The following TSPAN18 variants were observed in gnomAD, a reference collection of about 807,000 sequenced individuals.
TSPAN18 encodes the protein tetraspanin 18.
Under a neutral mutation model 27.3 loss-of-function variants are expected in TSPAN18, and 14 were observed. The ratio of observed to expected loss-of-function variants is 0.51; its 90% CI spans 0.34 to 0.80. The LOEUF (loss-of-function observed/expected upper bound fraction) is 0.80. Ranked by LOEUF, TSPAN18 falls within the 30% of genes least tolerant of loss-of-function variation. TSPAN18 has a pLI of 0.01. For synonymous variants in TSPAN18, 143 were observed against 136.5 expected, an observed-to-expected ratio of 1.05 and a Z score of -0.33; for missense variants, 268 against 323.9, an observed-to-expected ratio of 0.83 and a Z score of 1.32.
chr11:44,856,787 G>T lies in TSPAN18; in HGVS notation c.-152-3541G>T, dbSNP rs925521670. The stretch of plus-strand genomic sequence containing the variant: ...TCAAGACCAGCCCCACGCAAATTTC[G>T]GGAAATACTTGTCCAAGTTCTACCT... On this transcript the variant is annotated intron_variant, in intron 2 of 9. Transcript: ENST00000520358. Among the ~76,000 whole-genome samples, 28 of 152,042 alleles carry T rather than the reference G, an allele frequency of 1.8e-4. 1 individual carries two copies. Among genetic ancestry groups the T allele is most frequent in the Admixed American group, 6.5e-5 (1 of 15,272 alleles).
chr11:44,748,848 CT>C (rs1855143179), intron 1 of TSPAN18, among the ~76,000 whole-genome samples: 1 of 152,178 alleles, frequency 6.6e-6, no homozygotes, highest in African/African-American at 2.4e-5. Context: ...GATCCACTTC[CT>C]TTTGGTGTGT....
intron 1 of TSPAN18, among the ~76,000 whole-genome samples, chr11:44,733,459 C>T (rs961832765): frequency 3.3e-5 from 5 of 152,204 alleles, no homozygotes; most frequent in African/African-American, 1.2e-4. Context: ...GGATCTTCAG[C>T]CCAGTTCTCC....
At chr11:44,875,661 C>T (rs1435467550) in intron 3 of TSPAN18, among the ~76,000 whole-genome samples, 2 of 152,236 alleles carry the variant, frequency 1.3e-5, no homozygotes, top group Non-Finnish European at 2.9e-5. Flanking sequence ...ATTGTCCCCA[C>T]ATTGATCCAG....
intron 3 of TSPAN18, among the ~76,000 whole-genome samples, chr11:44,888,136 G>A (rs1199647615): frequency 6.6e-6 from 1 of 152,128 alleles, no homozygotes; most frequent in Non-Finnish European, 1.5e-5. Context: ...CTCTAACCCA[G>A]GACTCGGGGC....
intron 3 of TSPAN18, among the ~76,000 whole-genome samples, chr11:44,875,617 TC>T (rs1247728380): frequency 6.6e-5 from 10 of 152,214 alleles, no homozygotes; most frequent in Admixed American, 6.5e-4. Context: ...AATTATCTCA[TC>T]AAATCCTTGT....
At chr11:44,750,376 G>C (rs1481880661) in intron 1 of TSPAN18, among the ~76,000 whole-genome samples, 2 of 152,188 alleles carry the variant, frequency 1.3e-5, no homozygotes, top group African/African-American at 4.8e-5. Flanking sequence ...CAAGGAAAAT[G>C]GGGCTTTTTA....
At chr11:44,802,609 G>GCACACACACACA (rs3222524) in intron 2 of TSPAN18, among the ~76,000 whole-genome samples, 178 of 142,692 alleles carry the variant, frequency 1.2e-3, no homozygotes, top group Middle Eastern at 3.5e-3. Context: ...GGGAAGCACT[G>GCACACACACACA]CACACACACA....
intron 8 of TSPAN18, among the ~76,000 whole-genome samples, chr11:44,920,283 T>C (rs1860078857): frequency 6.6e-6 from 1 of 152,038 alleles, no homozygotes; most frequent in Non-Finnish European, 1.5e-5. Context: ...AGTTTCCCGA[T>C]GTTTCCTGAG....
chr11:44,815,488 G>A (rs1378312898), intron 2 of TSPAN18, among the ~76,000 whole-genome samples: 3 of 152,168 alleles, frequency 2.0e-5, no homozygotes. Flanking sequence ...CAGCCGAGGT[G>A]TGTTCTTTTG....
chr11:44,835,100 CAGGGG>C (rs1857238112), intron 2 of TSPAN18, among the ~76,000 whole-genome samples: 1 of 152,196 alleles, frequency 6.6e-6, no homozygotes, highest in Non-Finnish European at 1.5e-5. Flanking sequence ...CACACGGGAG[CAGGGG>C]GCTCCGGCAG....
At chr11:44,926,914 G>C (rs558453786) in intron 9 of TSPAN18, among the ~76,000 whole-genome samples, 157 bp downstream of exon 9, 1 of 152,228 alleles carries the variant, frequency 6.6e-6, no homozygotes, top group Admixed American at 6.5e-5. Flanking sequence ...GGCTGTGTCT[G>C]TGCTGCCTGA....
chr11:44,844,924 A>G (rs964545567), intron 2 of TSPAN18, among the ~76,000 whole-genome samples: 1 of 152,232 alleles, frequency 6.6e-6, no homozygotes, highest in Non-Finnish European at 1.5e-5. Context: ...GGCAGGAGTC[A>G]TCATCACCAT....
chr11:44,777,468 A>T (rs1037635560), intron 2 of TSPAN18, among the ~76,000 whole-genome samples: 1 of 152,032 alleles, frequency 6.6e-6, no homozygotes, highest in Admixed American at 6.6e-5. Flanking sequence ...CAGCTCACCC[A>T]CTTCCCAGGA....
At chr11:44,826,690 A>G (rs1302846720) in intron 2 of TSPAN18, among the ~76,000 whole-genome samples, 1 of 152,148 alleles carries the variant, frequency 6.6e-6, no homozygotes, top group Admixed American at 6.5e-5. Context: ...GAAACCAGAA[A>G]TGTCAGACTC....
Position 44,930,278 on chromosome 11 carries a change from G to A in TSPAN18, c.*1100G>A, listed in dbSNP as rs1485977331. On this transcript the variant is annotated 3_prime_UTR_variant, in exon 10 of 10. Transcript: ENST00000520358. The stretch of plus-strand genomic sequence containing the variant: ...CTTGCCAAGACTTCTCCACCCTCTT[G>A]CATACCTCCAGGGACAGAGAGCTTA... 1 of 152,610 alleles carries A rather than the reference G, an allele frequency of 6.6e-6. No individual in the cohort carries two copies. Among genetic ancestry groups the A allele is most frequent in the Non-Finnish European group, 1.5e-5 (1 of 68,384 alleles). 9.5% of individuals were successfully genotyped at this position (152,610 alleles called of 1,614,324 possible).
chr11:44,744,647 A>T (rs1855028533), intron 1 of TSPAN18, among the ~76,000 whole-genome samples: 1 of 152,222 alleles, frequency 6.6e-6, no homozygotes. Flanking sequence ...GTTGGGATAA[A>T]TTATCTTCAC....
At chr11:44,907,056 A>G (rs946563606) in intron 4 of TSPAN18, among the ~76,000 whole-genome samples, 3 of 152,210 alleles carry the variant, frequency 2.0e-5, no homozygotes, top group African/African-American at 4.8e-5. Flanking sequence ...ATTAAGCAAG[A>G]TTAGTTTACA....
At chr11:44,858,134 G>A (rs969660038) in intron 2 of TSPAN18, among the ~76,000 whole-genome samples, 20 of 152,168 alleles carry the variant, frequency 1.3e-4, no homozygotes, top group Admixed American at 2.0e-4. Context: ...GTGGACATAC[G>A]TAAAGCACTG....
chr11:44,756,904 A>G (rs894399146), intron 1 of TSPAN18, among the ~76,000 whole-genome samples: 6 of 152,176 alleles, frequency 3.9e-5, no homozygotes, highest in African/African-American at 1.2e-4. Flanking sequence ...TTGAGACCCT[A>G]CTTTCTTTTC....
Sources: gnomAD v4.1 joint callset for allele counts (sites outside exome capture counted in the v4.1 genomes callset) on GRCh38, gnomAD v4.1.1 for gene constraint, MANE v1.5 for transcripts, NCBI Gene and HGNC (gene_info 2026-07-23, HGNC 2026-07-21) for gene names.